USP38: variants seen among roughly 807,000 people sequenced by gnomAD.
USP38 encodes ubiquitin carboxyl-terminal hydrolase 38.
In USP38, 49 loss-of-function variants were observed where a neutral mutation model predicts 94.3. The ratio of observed to expected loss-of-function variants is 0.52; its 90% confidence interval spans 0.41 to 0.66. The LOEUF is 0.66. USP38 is among the 30% of genes least tolerant of loss of function. The pLI is 0.00. For missense variants in USP38, 1,128 were observed against 1,229.4 expected, an observed-to-expected ratio of 0.92 and a Z score of 1.23; for synonymous variants, 468 against 463.6, an observed-to-expected ratio of 1.01 and a Z score of -0.12.
chr4:143,215,103 T>G (rs1581169157), intron 9 of USP38, 160 bp downstream of exon 9: 1 of 710,832 alleles, frequency 1.4e-6, no homozygotes, highest in East Asian at 2.8e-5. Flanking sequence ...CTAAATTGCC[T>G]TTCTAATATT....
intron 6 of USP38, among the ~76,000 whole-genome samples, chr4:143,208,178 C>T (rs1003717295): frequency 5.9e-5 from 9 of 152,046 alleles, no homozygotes; most frequent in East Asian, 3.9e-4. Context: ...AATACAGATC[C>T]GTGTCATTCC....
chr4:143,203,556 AGG>A lies in USP38; in HGVS notation c.1200_1201del (p.Glu400AspfsTer7). ...CCAGATCTCTATGAACCTATTCTGG[AGG>A]CAATAAAGGTATGATGATAGTTGTA... On this transcript the variant is annotated frameshift_variant, in exon 5 of 10. Transcript: ENST00000307017. LOFTEE classifies it high-confidence loss of function. 6.2e-7 allele frequency: 1 copy of A among 1,610,454 alleles called. No individual in the cohort carries two copies. The highest frequency in any genetic ancestry group is 8.5e-7 in the Non-Finnish European group (1 of 1,178,972).
chr4:143,212,191 C>T lies in USP38; in HGVS notation c.1498-127C>T, dbSNP rs746795858. 4.1e-5 allele frequency: 26 copies of T among 627,380 alleles called. 1 individual carries two copies. Among genetic ancestry groups the T allele is most frequent in the South Asian group, 1.5e-4 (5 of 33,444 alleles). 38.9% of individuals were successfully genotyped at this position (627,380 alleles called of 1,614,324 possible). On this transcript the variant is annotated intron_variant, in intron 7 of 9. Transcript: ENST00000307017. ...TTATCTGTCCCTAAGTTGCCACGTC[C>T]GGCACTTTTGGCTGATGCAATGTTA...
chr4:143,211,403 A>G (rs1732020083), intron 7 of USP38, among the ~76,000 whole-genome samples: 1 of 152,152 alleles, frequency 6.6e-6, no homozygotes, highest in African/African-American at 2.4e-5. Context: ...GTCAGGTAAT[A>G]AGGTATATCC....
chr4:143,218,000 G>C (rs973065056), intron 9 of USP38, among the ~76,000 whole-genome samples: 1 of 151,944 alleles, frequency 6.6e-6, no homozygotes, highest in Non-Finnish European at 1.5e-5. Context: ...TAAGCCTTTG[G>C]TTAGGATACA....
At chr4:143,186,175 A>T (rs753240171) in intron 1 of USP38, 43 bp downstream of exon 1, 3 of 1,572,754 alleles carry the variant, frequency 1.9e-6, no homozygotes, top group Non-Finnish European at 2.6e-6. Context: ...AAAAATCAGT[A>T]TATGTCTCTC....
intron 2 of USP38, among the ~76,000 whole-genome samples, chr4:143,191,042 G>A (rs1731382825): frequency 6.6e-6 from 1 of 151,602 alleles, no homozygotes; most frequent in South Asian, 2.1e-4. Context: ...TTCCAGTGTA[G>A]CCTGCGTGAT....
At chr4:143,189,933 C>G (rs755993747) in intron 2 of USP38, among the ~76,000 whole-genome samples, 4 of 151,916 alleles carry the variant, frequency 2.6e-5, no homozygotes, top group Non-Finnish European at 4.4e-5. Flanking sequence ...TTTTTATTTT[C>G]TTCCTTCCCA....
At chr4:143,191,369 T>C (rs759133493) in intron 2 of USP38, among the ~76,000 whole-genome samples, 1 of 152,216 alleles carries the variant, frequency 6.6e-6, no homozygotes, top group Non-Finnish European at 1.5e-5. Context: ...TCCAGTTGTC[T>C]GTTAATACAA....
At chr4:143,186,278 C>T (rs1731222349) in intron 1 of USP38, 146 bp downstream of exon 1, 2 of 778,162 alleles carry the variant, frequency 2.6e-6, no homozygotes, top group Non-Finnish European at 4.1e-6. Context: ...AATTTATTCA[C>T]ATTCACTACC....
intron 6 of USP38, among the ~76,000 whole-genome samples, chr4:143,209,062 C>A (rs2149610688): frequency 6.8e-6 from 1 of 146,718 alleles, no homozygotes; most frequent in South Asian, 2.2e-4. Context: ...TTAATGACAG[C>A]ATATTTTTTT....
At chr4:143,188,313 G>A (rs1581154026) in intron 2 of USP38, among the ~76,000 whole-genome samples, 1 of 151,402 alleles carries the variant, frequency 6.6e-6, no homozygotes, top group Admixed American at 6.6e-5. Flanking sequence ...TCCTTAGTAA[G>A]TATATACTTT....
intron 1 of USP38, among the ~76,000 whole-genome samples, chr4:143,186,596 G>C (rs1731231630): frequency 6.6e-6 from 1 of 151,884 alleles, no homozygotes; most frequent in Non-Finnish European, 1.5e-5. Context: ...TTTATTACTG[G>C]ATTATCCCAG....
intron 2 of USP38, 92 bp downstream of exon 2, chr4:143,188,053 TTAAAAC>T (rs900677842): frequency 3.5e-5 from 49 of 1,407,540 alleles, no homozygotes; most frequent in Admixed American, 3.3e-4. Context: ...TTACGAATGT[TTAAAAC>T]TAAAATCATG....
intron 7 of USP38, 48 bp downstream of exon 7, chr4:143,209,705 T>A: frequency 8.2e-7 from 1 of 1,223,204 alleles, no homozygotes; most frequent in Non-Finnish European, 1.2e-6. Context: ...TGCGTGGTAA[T>A]ATTCATTAAA....
rs909006226 is a variant in USP38 at position 143,186,234 on chromosome 4, C to T, written c.682+102C>T. Reference sequence around the variant, plus strand: ...GTTTTCCTCCTGCCCTAAAAACATTCTTAAGCGAGAGCAAATCCTAATACC... The same window carrying T: ...GTTTTCCTCCTGCCCTAAAAACATTTTTAAGCGAGAGCAAATCCTAATACC... On this transcript the variant is annotated intron_variant, in intron 1 of 9. Transcript: ENST00000307017. The T allele has an allele frequency of 4.0e-6, 5 of 1,258,924 alleles. No individual in the cohort carries two copies. The African/African-American group carries it at 4.5e-5, about 11-fold the overall frequency. The allele number at this position is 1,258,924 out of a possible 1,614,324, so 78.0% of individuals were successfully genotyped here. A position where few individuals can be genotyped will look rare whatever the true frequency, so the allele number is the denominator to read the frequency against.
chr4:143,212,156 C>A (rs540390836), intron 7 of USP38, among the ~76,000 whole-genome samples, 162 bp from the exon 8 acceptor site: 1 of 152,166 alleles, frequency 6.6e-6, no homozygotes, highest in Non-Finnish European at 1.5e-5. Flanking sequence ...AACTTTATTT[C>A]TAAATAATTT....
intron 9 of USP38, among the ~76,000 whole-genome samples, chr4:143,217,148 A>G (rs1264694034): frequency 6.6e-6 from 1 of 152,154 alleles, no homozygotes; most frequent in Admixed American, 6.6e-5. Flanking sequence ...TAAAGGCTCA[A>G]ATTGTGAAAT....
At chr4:143,193,055 G>C (rs1040315444) in intron 2 of USP38, among the ~76,000 whole-genome samples, 2 of 152,102 alleles carry the variant, frequency 1.3e-5, no homozygotes, top group Non-Finnish European at 2.9e-5. Context: ...GTCTGGTTCT[G>C]CTCTGACAGT....
Sources: allele counts gnomAD v4.1 joint callset (sites outside exome capture counted in the v4.1 genomes callset), GRCh38; gene constraint gnomAD v4.1.1; transcripts MANE v1.5; gene names NCBI Gene and HGNC (gene_info 2026-07-23, HGNC 2026-07-21).